Variants in TINAG observed in about 807,000 individuals in gnomAD.
TINAG encodes tubulointerstitial nephritis antigen.
In TINAG, 83 loss-of-function variants were observed where a neutral mutation model predicts 72.7. That is an observed-to-expected ratio of 1.14 (90% CI 0.96 to 1.37). The LOEUF (loss-of-function observed/expected upper bound fraction) is 1.37. TINAG is among the 40% of genes most tolerant of loss of function. The probability of loss-of-function intolerance (pLI) is 0.00; values close to 1 mark genes in which losing one functional copy is unlikely to be tolerated. For missense variants in TINAG, 685 were observed against 576.6 expected (o/e 1.19, Z -1.93); for synonymous variants, 234 against 189.9 (o/e 1.23, Z -1.91).
intron 5 of TINAG, among the ~76,000 whole-genome samples, chr6:54,346,127 T>G (rs2150956814): frequency 6.6e-6 from 1 of 152,190 alleles, no homozygotes; most frequent in Non-Finnish European, 1.5e-5. Context: ...ACCCCAATTT[T>G]TTCATAATCT....
intron 3 of TINAG, 46 bp downstream of exon 3, chr6:54,321,432 T>C (rs1182853090): frequency 7.5e-7 from 1 of 1,328,190 alleles, no homozygotes; most frequent in Admixed American, 1.7e-5. Context: ...TGCCATTTAC[T>C]ATGCAGGTTT....
At chr6:54,322,078 G>C (rs375134047) in intron 3 of TINAG, among the ~76,000 whole-genome samples, 1 of 152,098 alleles carries the variant, frequency 6.6e-6, no homozygotes, top group Admixed American at 6.5e-5. Context: ...AAGGTGGGTG[G>C]GTGGATCACT....
chr6:54,389,969 CTAAATTGAAGTT>C lies in TINAG; in HGVS notation c.*47_*58del. On this transcript the variant is annotated 3_prime_UTR_variant, in exon 11 of 11. Transcript: ENST00000259782. ...TAAGGTCATGCCTTTAAGTAACCCC[CTAAATTGAAGTT>C]TAGCAATATGACATTCTTGGTGACA... is the stretch of plus-strand genomic sequence containing the variant. The C allele has an allele frequency of 6.3e-7, 1 of 1,589,098 alleles. No homozygotes were observed.
Position 54,326,888 on chromosome 6 carries a change from C to T in TINAG, c.596C>T (p.Pro199Leu), listed in dbSNP as rs41276062. The change falls in exon 4 of 11, where the codon CCC (proline) becomes CTC (leucine). Residue 199 changes from proline to leucine, a missense_variant. By Grantham distance (98) the Pro-to-Leu change is moderately conservative. Transcript: ENST00000259782. ...KFRLGTLPPS[P>L]MLLSMNEMTA... ...CGCCTTGGCACTTTGCCACCTAGTCCCATGCTCCTGAGCATGAATGAAATG... is the reference window on the plus strand; with the variant it reads ...CGCCTTGGCACTTTGCCACCTAGTCTCATGCTCCTGAGCATGAATGAAATG... 179,744 of 1,612,106 alleles carry T rather than the reference C, an allele frequency of 0.11. 10,779 individuals are homozygous for T. Among genetic ancestry groups the T allele is most frequent in the African/African-American group, 0.18 (13,405 of 74,798 alleles).
intron 10 of TINAG, among the ~76,000 whole-genome samples, chr6:54,381,622 C>T (rs1424463929): frequency 6.6e-6 from 1 of 151,972 alleles, no homozygotes; most frequent in Non-Finnish European, 1.5e-5. Flanking sequence ...TATATTTAAA[C>T]TGTGCTTTTA....
Position 54,346,528 on chromosome 6 carries a change from GTA to G in TINAG, c.749-830_749-829del, listed in dbSNP as rs571900537. 3.6e-4 allele frequency among the ~76,000 whole-genome samples: 55 copies of G among 151,096 alleles called. No individual in the cohort carries two copies. The South Asian group carries it at 0.011, about 31-fold the overall frequency. ...CAGTTACATATATAGCTATTAGATT[GTA>G]TATATATAATTACATGTATAGCTAT... On this transcript the variant is annotated intron_variant, in intron 5 of 10. Transcript: ENST00000259782.
In TINAG at chr6:54,308,544, C is replaced by A; in HGVS notation, c.-7C>A. ...GGAAAGTGGAAGCTATACCTGACTT[C>A]CAGAGAATGTGGACCGGATATAAGA... is the stretch of plus-strand genomic sequence containing the variant. On this transcript the variant is annotated 5_prime_UTR_variant, in exon 1 of 11. Coordinates refer to ENST00000259782, the MANE Select transcript of TINAG (RefSeq NM_014464.4). 6.2e-7 allele frequency: 1 copy of A among 1,602,954 alleles called. No homozygotes were observed. The highest frequency in any genetic ancestry group is 8.5e-7 in the Non-Finnish European group (1 of 1,174,982).
intron 4 of TINAG, among the ~76,000 whole-genome samples, chr6:54,333,997 C>G (rs1376986132): frequency 6.6e-6 from 1 of 152,172 alleles, no homozygotes; most frequent in Non-Finnish European, 1.5e-5. Context: ...CATTCTTATG[C>G]TTTGAACTAT....
Position 54,349,179 on chromosome 6 carries a change from C to G in TINAG, c.900-537C>G, listed in dbSNP as rs182979046. ...TATTATACTATTTCCCTCAAAGTATCACGAACTACAGATATATGATTGTTT... is the reference window on the plus strand; with the variant it reads ...TATTATACTATTTCCCTCAAAGTATGACGAACTACAGATATATGATTGTTT... On this transcript the variant is annotated intron_variant, in intron 6 of 10. Transcript: ENST00000259782. 9.4e-4 allele frequency among the ~76,000 whole-genome samples: 142 copies of G among 151,636 alleles called. 1 individual carries two copies. The highest frequency in any genetic ancestry group is 3.3e-3 in the African/African-American group (138 of 41,446).
At chr6:54,324,963 G>A (rs184206821) in intron 3 of TINAG, among the ~76,000 whole-genome samples, 33 of 152,144 alleles carry the variant, frequency 2.2e-4, no homozygotes, top group African/African-American at 7.2e-4. Flanking sequence ...CTTTTATACC[G>A]TTTTCAGCCC....
chr6:54,367,518 T>C (rs1425879103), intron 9 of TINAG, among the ~76,000 whole-genome samples: 1 of 151,628 alleles, frequency 6.6e-6, no homozygotes, highest in African/African-American at 2.4e-5. Flanking sequence ...TAAAAGTATA[T>C]AGAAGCAAAG....
chr6:54,380,498 C>A (rs763033273), intron 9 of TINAG, 28 bp from the exon 10 acceptor site: 3 of 1,591,702 alleles, frequency 1.9e-6, no homozygotes, highest in South Asian at 2.3e-5. Context: ...TTAACCATAC[C>A]AATCTTTATT....
chr6:54,371,147 A>T (rs1763593165), intron 9 of TINAG, among the ~76,000 whole-genome samples: 1 of 149,776 alleles, frequency 6.7e-6, no homozygotes, highest in Admixed American at 6.6e-5. Flanking sequence ...TGTCAGAGAG[A>T]GAGAAAGAAC....
At chr6:54,368,113 A>ACC (rs1188236024) in intron 9 of TINAG, among the ~76,000 whole-genome samples, 10 of 143,078 alleles carry the variant, frequency 7.0e-5, no homozygotes, top group Non-Finnish European at 1.5e-4. Context: ...AATATTGAGT[A>ACC]AACCCCATTA....
intron 9 of TINAG, among the ~76,000 whole-genome samples, chr6:54,374,616 A>T (rs1763726923): frequency 6.6e-6 from 1 of 152,104 alleles, no homozygotes; most frequent in African/African-American, 2.4e-5. Context: ...TTCTTCCTGC[A>T]GTTATCTTTC....
At chr6:54,361,508 C>T (rs762891254) in intron 9 of TINAG, among the ~76,000 whole-genome samples, 1 of 151,598 alleles carries the variant, frequency 6.6e-6, no homozygotes, top group Non-Finnish European at 1.5e-5. Flanking sequence ...TGAGAACTCA[C>T]TATTACAAGA....
intron 1 of TINAG, among the ~76,000 whole-genome samples, chr6:54,309,810 A>G (rs1413308882): frequency 2.0e-5 from 3 of 150,214 alleles, no homozygotes; most frequent in African/African-American, 4.9e-5. Context: ...TTCAAAATCC[A>G]GATGTCATTT....
At chr6:54,380,618 T>G (rs377120094) in intron 10 of TINAG, 47 bp downstream of exon 10, 1 of 1,484,262 alleles carries the variant, frequency 6.7e-7, no homozygotes, top group Admixed American at 1.7e-5. Flanking sequence ...GTGAATATGT[T>G]CAAATCTTCT....
intron 5 of TINAG, among the ~76,000 whole-genome samples, chr6:54,344,665 C>CAA (rs1461944658): frequency 6.6e-6 from 1 of 152,088 alleles, no homozygotes; most frequent in Non-Finnish European, 1.5e-5. Flanking sequence ...ATACTGAAAG[C>CAA]AACTTGCTAG....
Sources: allele counts gnomAD v4.1 joint callset (sites outside exome capture counted in the v4.1 genomes callset), GRCh38; gene constraint gnomAD v4.1.1; transcripts MANE v1.5; gene names NCBI Gene and HGNC (gene_info 2026-07-23, HGNC 2026-07-21).